TNN: variants seen among roughly 807,000 people sequenced by gnomAD.
The protein encoded by TNN is tenascin N, also known as tenascin-N.
In TNN, 122 loss-of-function variants were observed where a neutral mutation model predicts 134.4. The ratio of observed to expected loss-of-function variants is 0.91; its 90% confidence interval spans 0.78 to 1.06. The LOEUF is 1.06. TNN is among the 50% of genes least tolerant of loss of function. TNN has a pLI of 0.00. For missense variants in TNN, 1,739 were observed against 1,699.4 expected (o/e 1.02, Z -0.41); for synonymous variants, 710 against 670.3 (o/e 1.06, Z -0.91).
chr1:175,100,287 C>T (rs73044983), intron 9 of TNN, among the ~76,000 whole-genome samples: 3,915 of 152,330 alleles, frequency 0.026, 155 homozygotes, highest in African/African-American at 0.089. Context: ...CCCTATCCCA[C>T]ACTGAGTTGT....
At chr1:175,092,432 G>A (rs1274901866) in intron 6 of TNN, among the ~76,000 whole-genome samples, 2 of 152,032 alleles carry the variant, frequency 1.3e-5, no homozygotes, top group Non-Finnish European at 2.9e-5. Context: ...CAGTCACAGT[G>A]AGACTATTGT....
At chr1:175,078,534 T>G (rs1371547832) in intron 2 of TNN, among the ~76,000 whole-genome samples, 1 of 152,122 alleles carries the variant, frequency 6.6e-6, no homozygotes, top group East Asian at 1.9e-4. Context: ...CCTGAAGGAA[T>G]TGCTATGGTA....
intron 2 of TNN, among the ~76,000 whole-genome samples, chr1:175,078,988 G>C (rs1031210649): frequency 6.6e-6 from 1 of 152,090 alleles, no homozygotes; most frequent in Admixed American, 6.5e-5. Flanking sequence ...CCATAGGAAG[G>C]CACTAAATAA....
intron 17 of TNN, among the ~76,000 whole-genome samples, chr1:175,141,260 G>A (rs1479622884): frequency 2.0e-5 from 3 of 152,182 alleles, no homozygotes; most frequent in Admixed American, 2.0e-4. Flanking sequence ...TCTATTTAGA[G>A]ATCATAATGC....
At chr1:175,071,230 T>C (rs1393888305) in intron 1 of TNN, among the ~76,000 whole-genome samples, 1 of 152,176 alleles carries the variant, frequency 6.6e-6, no homozygotes, top group East Asian at 1.9e-4. Context: ...GGCTAGAAAT[T>C]GGCTACCTCT....
rs369290372 is a variant in TNN, at chr1:175,080,154, T to C, written c.785-9T>C. On this transcript the variant is annotated splice_polypyrimidine_tract_variant and intron_variant, in intron 3 of 18. Coordinates refer to ENST00000239462, the MANE Select transcript of TNN (RefSeq NM_022093.2). ...CACCCTCTCTGCCCTGTTCCTGTTC[T>C]GCCTGCAGTGGTCACCCCACAGGGC... 22 of 1,613,210 alleles carry C rather than the reference T, an allele frequency of 1.4e-5. No homozygotes were observed. In the African/African-American group the frequency reaches 2.5e-4, roughly 19 times the overall value.
intron 17 of TNN, among the ~76,000 whole-genome samples, chr1:175,141,617 T>C (rs2101854622): frequency 6.6e-6 from 1 of 152,360 alleles, no homozygotes; most frequent in East Asian, 1.9e-4. Flanking sequence ...ACTGTGTCTG[T>C]GTGTGACTGA....
chr1:175,093,868 C>T, intron 6 of TNN, 122 bp from the exon 7 acceptor site: 1 of 969,778 alleles, frequency 1.0e-6, no homozygotes, highest in Non-Finnish European at 1.5e-6. Flanking sequence ...GATGGAGAGA[C>T]CCCCTTGTAT....
At chr1:175,126,460 G>A (rs962586667) in intron 12 of TNN, among the ~76,000 whole-genome samples, 10 of 152,304 alleles carry the variant, frequency 6.6e-5, no homozygotes, top group African/African-American at 2.2e-4. Context: ...CTTAGGGTAA[G>A]CTCCTTCCTC....
At chr1:175,108,142 A>G (rs1254572772) in intron 9 of TNN, among the ~76,000 whole-genome samples, 3 of 152,094 alleles carry the variant, frequency 2.0e-5, no homozygotes, top group Non-Finnish European at 4.4e-5. Context: ...CAGAGCAGCT[A>G]GATACGGAGT....
intron 6 of TNN, among the ~76,000 whole-genome samples, chr1:175,089,570 T>G (rs1188346259): frequency 9.2e-5 from 14 of 152,192 alleles, no homozygotes. Context: ...AACTGAGAGG[T>G]GATGTCATTC....
intron 12 of TNN, among the ~76,000 whole-genome samples, chr1:175,126,385 C>A (rs561301834): frequency 2.3e-4 from 35 of 152,268 alleles, no homozygotes; most frequent in African/African-American, 7.7e-4. Flanking sequence ...CAGGCATGAG[C>A]CACCGTGCCT....
intron 15 of TNN, among the ~76,000 whole-genome samples, chr1:175,129,775 C>A (rs548850737): frequency 1.5e-3 from 233 of 152,206 alleles, no homozygotes; most frequent in Non-Finnish European, 2.7e-3. Flanking sequence ...TCAGTGAGTT[C>A]ATCTCAGGTC....
In TNN at chr1:175,105,097, A is replaced by T. The variant is rs919635623; in HGVS notation, c.2119+6502A>T. On this transcript the variant is annotated intron_variant, in intron 9 of 18. Transcript: ENST00000239462. ...CTTGACTAGGATACCAGGTATCTCC[A>T]AACTCTCAGGCTGCAGCTAAAGCCG... Among the ~76,000 whole-genome samples, 4 of 145,884 alleles carry T rather than the reference A, an allele frequency of 2.7e-5. 1 individual carries two copies. The highest frequency in any genetic ancestry group is 9.9e-5 in the African/African-American group (4 of 40,502).
At position 175,144,368 on chromosome 1, in the gene TNN, C is replaced by T. The variant is rs746307608; in HGVS notation, c.3596-19C>T. ...GTGGCTAACCCTGGGCTCTCGCCTC[C>T]GTCTCTTCTCTCCTGCAGGGGATGC... On this transcript the variant is annotated intron_variant, in intron 17 of 18. Coordinates refer to ENST00000239462, the MANE Select transcript of TNN (RefSeq NM_022093.2). 1.1e-5 allele frequency: 18 copies of T among 1,611,264 alleles called. No homozygotes were observed. The highest frequency in any genetic ancestry group is 3.3e-5 in the Admixed American group (2 of 59,874).
At chr1:175,116,056 T>C (rs569772910) in intron 9 of TNN, among the ~76,000 whole-genome samples, 1 of 152,146 alleles carries the variant, frequency 6.6e-6, no homozygotes, top group Admixed American at 6.5e-5. Context: ...ATTTTTTTTT[T>C]AAATGTCGTT....
intron 17 of TNN, among the ~76,000 whole-genome samples, chr1:175,138,677 T>A (rs1675876299): frequency 6.6e-6 from 1 of 152,220 alleles, no homozygotes; most frequent in Non-Finnish European, 1.5e-5. Context: ...TCCTAAGTAG[T>A]CCTGGGTCTC....
Position 175,147,116 on chromosome 1 carries a change from C to CTTGGGGCACCAGCTGTGGG in TNN, c.*45_*46insTTGGGGCACCAGCTGTGGG, listed in dbSNP as rs1558379289. ...TCGCAGGAGACACCACCAGCTGTGG[C>CTTGGGGCACCAGCTGTGGG]AGCTTGGGGCGGGGTGGGTAGTGGT... On this transcript the variant is annotated 3_prime_UTR_variant, in exon 19 of 19. Coordinates refer to ENST00000239462, the MANE Select transcript of TNN (RefSeq NM_022093.2). The CTTGGGGCACCAGCTGTGGG allele has an allele frequency of 1.4e-6, 2 of 1,463,794 alleles. No individual in the cohort carries two copies. Among genetic ancestry groups the CTTGGGGCACCAGCTGTGGG allele is most frequent in the Middle Eastern group, 4.0e-4 (2 of 4,990 alleles). The allele number at this position is 1,463,794 out of a possible 1,614,324, so 90.7% of individuals were successfully genotyped here. A position where few individuals can be genotyped will look rare whatever the true frequency, so the allele number is the denominator to read the frequency against.
chr1:175,124,687 G>GCAAACAAA (rs59814606), intron 12 of TNN, among the ~76,000 whole-genome samples: 2 of 150,880 alleles, frequency 1.3e-5, no homozygotes, highest in African/African-American at 4.9e-5. Context: ...CATCTCAAAA[G>GCAAACAAA]CAAACAAACA....
Sources: allele counts gnomAD v4.1 joint callset (sites outside exome capture counted in the v4.1 genomes callset), GRCh38; gene constraint gnomAD v4.1.1; transcripts MANE v1.5; gene names NCBI Gene and HGNC (gene_info 2026-07-23, HGNC 2026-07-21).